The following PDE1A variants were observed in gnomAD, a reference collection of about 807,000 sequenced individuals.
PDE1A encodes the protein phosphodiesterase 1A.
In PDE1A, 35 loss-of-function variants were observed where a neutral mutation model predicts 61.7. That is an observed-to-expected ratio of 0.57 (90% CI 0.43 to 0.75). The LOEUF (loss-of-function observed/expected upper bound fraction) is 0.75, where lower values mean the gene tolerates loss of function less well. PDE1A is among the 30% of genes least tolerant of loss of function. The pLI is 0.00. For synonymous variants in PDE1A, 232 were observed against 213.2 expected (o/e 1.09, Z -0.77); for missense variants, 597 against 630.6 (o/e 0.95, Z 0.57).
chr2:182,375,245 C>CCATGAGAATAGT (rs1700331437), intron 1 of PDE1A, among the ~76,000 whole-genome samples: 1 of 152,156 alleles, frequency 6.6e-6, no homozygotes, highest in African/African-American at 2.4e-5. Flanking sequence ...CTCATTTTAG[C>CCATGAGAATAGT]ATTAACCCAA....
At position 182,511,476 on chromosome 2, in the gene PDE1A, G is replaced by A. The variant is rs535121883; in HGVS notation, c.101+10800C>T. Among the ~76,000 whole-genome samples, 50 of 152,276 alleles carry A rather than the reference G, an allele frequency of 3.3e-4. 1 individual carries two copies. The South Asian group carries it at 9.8e-3, about 30-fold the overall frequency. ...GACCTCCAGAATCCTAGCTGCAGGA[G>A]ACCCCATGACACATACTGACTTTTG... On this transcript the variant is annotated intron_variant, in intron 2 of 14. Transcript: ENST00000410103.
chr2:182,588,410 C>G, the PDE1A span, among the ~76,000 whole-genome samples: 1 of 152,176 alleles, frequency 6.6e-6, no homozygotes, highest in Non-Finnish European at 1.5e-5. Context: ...TCCATAAATT[C>G]TGCTACATTT....
At chr2:182,261,424 T>C (rs1692209438) in intron 2 of PDE1A, among the ~76,000 whole-genome samples, 1 of 152,128 alleles carries the variant, frequency 6.6e-6, no homozygotes, top group Non-Finnish European at 1.5e-5. Context: ...CCTTTGAAGA[T>C]GATACAAATG....
chr2:182,349,959 T>G (rs1273815017), intron 1 of PDE1A, among the ~76,000 whole-genome samples: 2 of 152,078 alleles, frequency 1.3e-5, no homozygotes, highest in African/African-American at 4.8e-5. Context: ...AAATCTTAAG[T>G]TACAACCTGA....
intron 1 of PDE1A, among the ~76,000 whole-genome samples, chr2:182,338,279 T>C (rs1697967879): frequency 6.6e-6 from 1 of 152,200 alleles, no homozygotes; most frequent in Non-Finnish European, 1.5e-5. Context: ...GGGTCTCAGC[T>C]TTCTCATCTG....
At chr2:182,147,298 A>G in intron 13 of PDE1A, 146 bp from the exon 14 acceptor site, 1 of 534,474 alleles carries the variant, frequency 1.9e-6, no homozygotes. Context: ...AAAGACACCA[A>G]ACATCTTCCT....
chr2:182,155,111 G>GTTTTTTTTT (rs1691003396), intron 13 of PDE1A, among the ~76,000 whole-genome samples: 1 of 144,624 alleles, frequency 6.9e-6, no homozygotes. Flanking sequence ...TTTAAGAGAG[G>GTTTTTTTTT]GTCCCACTCT....
chr2:182,367,677 C>T (rs1325508514), intron 1 of PDE1A, among the ~76,000 whole-genome samples: 1 of 151,952 alleles, frequency 6.6e-6, no homozygotes, highest in Non-Finnish European at 1.5e-5. Flanking sequence ...ATAGATTAGT[C>T]AGTGAGTTTT....
intron 2 of PDE1A, among the ~76,000 whole-genome samples, chr2:182,447,480 G>C (rs1685220905): frequency 6.6e-6 from 1 of 152,064 alleles, no homozygotes; most frequent in Non-Finnish European, 1.5e-5. Flanking sequence ...CACAAGTAAA[G>C]AGGAATAGAA....
chr2:182,542,315 C>T, the PDE1A span, among the ~76,000 whole-genome samples: 1 of 152,114 alleles, frequency 6.6e-6, no homozygotes, highest in Non-Finnish European at 1.5e-5. Context: ...TTTTATTTGA[C>T]AGCTATCTCT....
chr2:182,427,062 C>A (rs1049367762), upstream of PDE1A: 1 of 980,210 alleles, frequency 1.0e-6, no homozygotes, highest in Non-Finnish European at 1.2e-6. Flanking sequence ...GTCTTTAAAA[C>A]AGACTGTTCT....
chr2:182,516,531 T>C (rs538521179), intron 2 of PDE1A, among the ~76,000 whole-genome samples: 1 of 151,636 alleles, frequency 6.6e-6, no homozygotes, highest in Non-Finnish European at 1.5e-5. Context: ...CACATGCCTG[T>C]AGTTCTTGCT....
the PDE1A span, among the ~76,000 whole-genome samples, chr2:182,710,184 T>C: frequency 2.3e-4 from 35 of 152,314 alleles, no homozygotes; most frequent in African/African-American, 6.7e-4. Context: ...CGTGAGCCAC[T>C]GCACCTGGCC....
intron 1 of PDE1A, among the ~76,000 whole-genome samples, chr2:182,285,685 T>C (rs1295302625): frequency 1.3e-5 from 2 of 152,098 alleles, no homozygotes; most frequent in African/African-American, 2.4e-5. Flanking sequence ...CAGCTTGGCT[T>C]GGCATCTCAG....
chr2:182,204,128 T>G (rs1191453945), intron 8 of PDE1A, among the ~76,000 whole-genome samples: 1 of 77,182 alleles, frequency 1.3e-5, no homozygotes, highest in Non-Finnish European at 2.6e-5. Flanking sequence ...GTTTATTTCT[T>G]TGAATAACAA....
intron 13 of PDE1A, among the ~76,000 whole-genome samples, chr2:182,173,131 G>A (rs1692396913): frequency 6.6e-6 from 1 of 151,920 alleles, no homozygotes. Flanking sequence ...CCATGAGCTG[G>A]TATTTCCTGC....
At chr2:182,296,487 G>A (rs530502932) in intron 1 of PDE1A, among the ~76,000 whole-genome samples, 1 of 152,320 alleles carries the variant, frequency 6.6e-6, no homozygotes, top group Non-Finnish European at 1.5e-5. Context: ...TATAGACACA[G>A]ATACAGATAT....
At chr2:182,314,846 G>A (rs1365408198) in intron 1 of PDE1A, among the ~76,000 whole-genome samples, 1 of 152,048 alleles carries the variant, frequency 6.6e-6, no homozygotes, top group Non-Finnish European at 1.5e-5. Context: ...TGTTAATTAT[G>A]CCTCAATAAA....
chr2:182,373,281 T>G (rs1700217784), intron 1 of PDE1A, among the ~76,000 whole-genome samples: 1 of 152,112 alleles, frequency 6.6e-6, no homozygotes. Context: ...TGTGGTACTG[T>G]CAGGAGAACA....
Sources: allele counts gnomAD v4.1 joint callset (sites outside exome capture counted in the v4.1 genomes callset), GRCh38; gene constraint gnomAD v4.1.1; transcripts MANE v1.5; gene names NCBI Gene and HGNC (gene_info 2026-07-23, HGNC 2026-07-21).